The following PCDHA8 variants were observed in gnomAD, a reference collection of about 807,000 sequenced individuals.
PCDHA8 encodes the protein protocadherin alpha-8.
PCDHA8 carries 53 observed loss-of-function variants against 61.8 expected under a neutral mutation model. The observed-to-expected ratio is 0.86, with a 90% CI of 0.69 to 1.08. PCDHA8 has a LOEUF of 1.08. PCDHA8 is among the 50% of genes least tolerant of loss of function. PCDHA8 has a pLI of 0.00. For synonymous variants in PCDHA8, 618 were observed against 556.6 expected (o/e 1.11, Z -1.55); for missense variants, 1,293 against 1,245.0 (o/e 1.04, Z -0.58).
intron 1 of PCDHA8, among the ~76,000 whole-genome samples, chr5:140,887,318 G>A (rs1485206878): frequency 6.6e-6 from 1 of 152,010 alleles, no homozygotes; most frequent in Non-Finnish European, 1.5e-5. Context: ...GGATAGTCTC[G>A]AACTCCTGAC....
intron 1 of PCDHA8, among the ~76,000 whole-genome samples, chr5:140,931,648 T>G (rs1258876806): frequency 6.6e-6 from 1 of 152,014 alleles, no homozygotes; most frequent in African/African-American, 2.4e-5. Context: ...TGCTAATAAT[T>G]GTTGTGGGCT....
chr5:140,875,952 G>A (rs782164384), intron 1 of PCDHA8: 2 of 1,614,102 alleles, frequency 1.2e-6, no homozygotes, highest in South Asian at 2.2e-5. Flanking sequence ...CTTCTGATGC[G>A]GATATCGGCG....
Position 140,843,614 on chromosome 5 carries a change from C to A in PCDHA8, c.2293C>A (p.Pro765Thr). 1 of 1,596,062 alleles carries A rather than the reference C, an allele frequency of 6.3e-7. No homozygotes were observed. The highest frequency in any genetic ancestry group is 8.6e-7 in the Non-Finnish European group (1 of 1,165,558). Residue 765 changes from proline to threonine, a missense_variant, in exon 1 of 4, where the codon CCG (proline) becomes ACG (threonine). Physicochemically the swap from Pro to Thr is conservative, Grantham distance 38. Transcript: ENST00000531613. ...PQRVCSGEGPPKTDLMAFSPC... is the reference protein window; with the variant it reads ...PQRVCSGEGPTKTDLMAFSPC... ...GAGGGTGTGCTCTGGTGAGGGGCCA[C>A]CGAAGACGGACCTCATGGCCTTCAG...
intron 1 of PCDHA8, among the ~76,000 whole-genome samples, chr5:140,933,444 A>T (rs1478759836): frequency 1.3e-5 from 2 of 152,184 alleles, no homozygotes; most frequent in African/African-American, 4.8e-5. Flanking sequence ...CTAATGACAT[A>T]CCTTCAAAAT....
intron 1 of PCDHA8, chr5:140,859,133 A>C (rs1196792734): frequency 6.7e-6 from 1 of 150,106 alleles, no homozygotes; most frequent in Non-Finnish European, 1.5e-5. Flanking sequence ...TTTTATTTAC[A>C]TAATTTTATC....
In PCDHA8 at chr5:140,843,202, C is replaced by A; in HGVS notation, c.1881C>A (p.Tyr627Ter). 6.3e-7 allele frequency: 1 copy of A among 1,596,044 alleles called. No homozygotes were observed. Among genetic ancestry groups the A allele is most frequent in the Non-Finnish European group, 8.6e-7 (1 of 1,165,580 alleles). The change falls in exon 1 of 4, where the codon TAC (tyrosine) becomes TAA (stop). Residue 627 changes from tyrosine (Y) to a stop codon, truncating the protein, a stop_gained. Transcript: ENST00000531613. LOFTEE classifies it high-confidence loss of function. ...SPRIPFRVGLYTGEISTTRVL... is the reference protein window; with the variant it reads ...SPRIPFRVGL ...GCATCCCGTTCCGCGTGGGGCTGTACACGGGCGAGATCAGCACCACTCGTG... is the reference window on the plus strand; with the variant it reads ...GCATCCCGTTCCGCGTGGGGCTGTAAACGGGCGAGATCAGCACCACTCGTG...
chr5:140,908,050 G>A (rs1554193217), intron 1 of PCDHA8, among the ~76,000 whole-genome samples: 1 of 152,120 alleles, frequency 6.6e-6, no homozygotes, highest in African/African-American at 2.4e-5. Context: ...TGCACATCCG[G>A]CCATTTCTCC....
intron 1 of PCDHA8, chr5:140,929,002 T>C (rs1584608620): frequency 6.2e-7 from 1 of 1,614,048 alleles, no homozygotes; most frequent in Non-Finnish European, 8.5e-7. Flanking sequence ...TTTCTTCGTG[T>C]GTACCAAGTT....
At chr5:140,926,738 G>T in intron 1 of PCDHA8, 1 of 1,162,106 alleles carries the variant, frequency 8.6e-7, no homozygotes, top group Non-Finnish European at 1.1e-6. Context: ...TTCGGGAGGC[G>T]CAACGTCGGC....
At chr5:140,884,499 C>A (rs782667822) in intron 1 of PCDHA8, 2 of 1,614,062 alleles carry the variant, frequency 1.2e-6, no homozygotes, top group Non-Finnish European at 8.5e-7. Flanking sequence ...TGCTCCAGCG[C>A]GGCAGGGAGT....
chr5:140,904,265 T>C (rs2070995327), intron 1 of PCDHA8, among the ~76,000 whole-genome samples: 1 of 152,118 alleles, frequency 6.6e-6, no homozygotes, highest in Non-Finnish European at 1.5e-5. Context: ...CTCCCACTTA[T>C]GAATGAGAAC....
chr5:140,878,728 C>T (rs1554170509), intron 1 of PCDHA8, among the ~76,000 whole-genome samples: 1 of 152,170 alleles, frequency 6.6e-6, no homozygotes, highest in Non-Finnish European at 1.5e-5. Flanking sequence ...AATTTCCAGC[C>T]TTATATCTAC....
At chr5:140,848,599 T>C (rs2150414040) in intron 1 of PCDHA8, 1 of 1,593,694 alleles carries the variant, frequency 6.3e-7, no homozygotes, top group Non-Finnish European at 8.6e-7. Context: ...CACTACTCCG[T>C]CCCGGAGGAA....
At chr5:140,897,237 G>C (rs1188679482) in intron 1 of PCDHA8, among the ~76,000 whole-genome samples, 1 of 151,784 alleles carries the variant, frequency 6.6e-6, no homozygotes, top group African/African-American at 2.4e-5. Context: ...CAATGTGCAG[G>C]TTAGTTACAT....
At position 140,877,517 on chromosome 5, in the gene PCDHA8, C is replaced by T. The variant is rs782271327; in HGVS notation, c.2394+33802C>T. ...CAGGCCCCAAAGACGTCGTCGCGGG[C>T]CTCAGTGGGCGCTGTGGATCCCGAA... On this transcript the variant is annotated intron_variant, in intron 1 of 3. Coordinates refer to ENST00000531613, the MANE Select transcript of PCDHA8 (RefSeq NM_018911.3). 5.6e-6 allele frequency: 9 copies of T among 1,613,766 alleles called. No homozygotes were observed. Among genetic ancestry groups the T allele is most frequent in the Non-Finnish European group, 7.6e-6 (9 of 1,179,862 alleles).
At chr5:140,944,003 C>T (rs1185007409) in intron 1 of PCDHA8, among the ~76,000 whole-genome samples, 1 of 152,038 alleles carries the variant, frequency 6.6e-6, no homozygotes, top group Admixed American at 6.6e-5. Flanking sequence ...CTACTGAGTA[C>T]CCCCCAAAAG....
chr5:140,914,073 C>T (rs1314205032), intron 1 of PCDHA8, among the ~76,000 whole-genome samples: 2 of 152,120 alleles, frequency 1.3e-5, no homozygotes, highest in Non-Finnish European at 2.9e-5. Flanking sequence ...TGCTCCATAA[C>T]TATCTATTAG....
chr5:140,952,565 C>T (rs1255567969), intron 1 of PCDHA8, among the ~76,000 whole-genome samples: 3 of 152,142 alleles, frequency 2.0e-5, no homozygotes, highest in African/African-American at 4.8e-5. Flanking sequence ...ATCAGCACTT[C>T]GGTCCCAATC....
chr5:140,907,693 G>A (rs573463032), intron 1 of PCDHA8, among the ~76,000 whole-genome samples: 49 of 152,318 alleles, frequency 3.2e-4, no homozygotes, highest in Non-Finnish European at 6.5e-4. Flanking sequence ...GTGAGTGGAA[G>A]TCCCTGTTGC....
Sources: allele counts gnomAD v4.1 joint callset (sites outside exome capture counted in the v4.1 genomes callset), GRCh38; gene constraint gnomAD v4.1.1; transcripts MANE v1.5; gene names NCBI Gene and HGNC (gene_info 2026-07-23, HGNC 2026-07-21).